Variants in DNM1L observed in about 807,000 individuals in gnomAD.
DNM1L encodes dynamin-1-like protein.
Under a neutral mutation model 92.8 loss-of-function variants are expected in DNM1L, and 33 were observed. The ratio of observed to expected loss-of-function variants is 0.36; its 90% CI spans 0.27 to 0.48. The LOEUF (loss-of-function observed/expected upper bound fraction) is 0.48. DNM1L is among the 20% of genes least tolerant of loss of function. The pLI is 0.99. For missense variants in DNM1L, 485 were observed against 888.8 expected, an observed-to-expected ratio of 0.55 and a Z score of 5.78; for synonymous variants, 284 against 305.0, an observed-to-expected ratio of 0.93 and a Z score of 0.72.
At chr12:32,726,529 A>G (rs1367360165) in intron 9 of DNM1L, 76 of 1,084,294 alleles carry the variant, frequency 7.0e-5, no homozygotes, top group Non-Finnish European at 1.0e-4. Flanking sequence ...TCTCCAGTAA[A>G]CTATAACACT....
At chr12:32,738,169 T>A (rs1955032800) in intron 15 of DNM1L, 95 bp from the exon 16 acceptor site, 4 of 1,452,154 alleles carry the variant, frequency 2.8e-6, no homozygotes, top group Admixed American at 3.5e-5. Flanking sequence ...AAAAAGTAAT[T>A]TAAAGAGGAA....
intron 19 of DNM1L, 23 bp from the exon 20 acceptor site, chr12:32,743,331 A>C: frequency 6.2e-7 from 1 of 1,610,198 alleles, no homozygotes; most frequent in South Asian, 1.1e-5. Context: ...TAAGCATTTA[A>C]AATTTTTTTT....
In DNM1L at chr12:32,743,432, A is replaced by T. The variant is rs3200103; in HGVS notation, c.*22A>T. Reference sequence around the variant, plus strand: ...GTGAAGAGAACTATGTAATACTGAGACTTTGTTGACTCAAAACTTGCTAGT... The same window carrying T: ...GTGAAGAGAACTATGTAATACTGAGTCTTTGTTGACTCAAAACTTGCTAGT... On this transcript the variant is annotated 3_prime_UTR_variant, in exon 20 of 20. Transcript: ENST00000549701. 0.14 allele frequency: 223,835 copies of T among 1,609,022 alleles called. 16,276 individuals are homozygous for T. The highest frequency in any genetic ancestry group is 0.21 in the African/African-American group (15,518 of 74,808).
chr12:32,705,929 A>AT, intron 2 of DNM1L: 1 of 1,397,586 alleles, frequency 7.2e-7, no homozygotes, highest in African/African-American at 1.4e-5. Context: ...CTTATGTACT[A>AT]TTACAGGCTG....
intron 5 of DNM1L, 132 bp from the exon 6 acceptor site, chr12:32,713,077 T>A: frequency 1.2e-6 from 1 of 821,036 alleles, no homozygotes; most frequent in South Asian, 1.9e-5. Flanking sequence ...CATTGTAGTA[T>A]ATTAGTAATG....
intron 1 of DNM1L, among the ~76,000 whole-genome samples, chr12:32,699,758 C>T (rs1952618844): frequency 7.3e-6 from 1 of 136,514 alleles, no homozygotes; most frequent in Non-Finnish European, 1.5e-5. Context: ...GGTGCCACTG[C>T]ACTCCAGCAG....
chr12:32,728,915 C>G (rs1954339320), intron 9 of DNM1L: 1 of 152,176 alleles, frequency 6.6e-6, no homozygotes, highest in African/African-American at 2.4e-5. Context: ...TCCCGAGTAG[C>G]TGGGACTACA....
At chr12:32,739,913 T>C in intron 16 of DNM1L, 151 bp from the exon 17 acceptor site, 1 of 930,218 alleles carries the variant, frequency 1.1e-6, no homozygotes, top group Non-Finnish European at 1.7e-6. Flanking sequence ...TTATACATGC[T>C]ACCTAGTGTC....
intron 1 of DNM1L, among the ~76,000 whole-genome samples, chr12:32,698,751 A>G (rs1312327250): frequency 6.6e-6 from 1 of 152,224 alleles, no homozygotes; most frequent in Non-Finnish European, 1.5e-5. Flanking sequence ...AATTTTTAAA[A>G]TGTATAATAG....
intron 12 of DNM1L, among the ~76,000 whole-genome samples, chr12:32,733,055 G>A (rs981057579): frequency 6.6e-6 from 1 of 152,188 alleles, no homozygotes; most frequent in African/African-American, 2.4e-5. Flanking sequence ...AGCCGAGATC[G>A]CGCCATTGCA....
At chr12:32,705,798 T>C (rs1952898554) in intron 2 of DNM1L, 4 of 1,594,672 alleles carry the variant, frequency 2.5e-6, no homozygotes, top group South Asian at 2.2e-5. Flanking sequence ...ACTAAACTTA[T>C]TCTGTGCTGT....
intron 1 of DNM1L, among the ~76,000 whole-genome samples, chr12:32,690,768 C>T (rs1163794331): frequency 6.6e-6 from 1 of 152,006 alleles, no homozygotes. Flanking sequence ...TAATGTTAGC[C>T]ATTACTACTG....
At chr12:32,717,885 T>A (rs1592625293) in intron 6 of DNM1L, among the ~76,000 whole-genome samples, 2 of 107,756 alleles carry the variant, frequency 1.9e-5, no homozygotes, top group African/African-American at 4.0e-5. Context: ...CTATATATAT[T>A]TATATATACT....
chr12:32,745,307 T>G lies in DNM1L; in HGVS notation c.*1897T>G. 1 of 224,814 alleles carries G rather than the reference T, an allele frequency of 4.4e-6. No individual in the cohort carries two copies. The highest frequency in any genetic ancestry group is 1.5e-4 in the East Asian group (1 of 6,822). The allele number at this position is 224,814 out of a possible 1,614,324, so 13.9% of individuals were successfully genotyped here. A position where few individuals can be genotyped will look rare whatever the true frequency, so the allele number is the denominator to read the frequency against. On this transcript the variant is annotated 3_prime_UTR_variant, in exon 20 of 20. Coordinates refer to ENST00000549701, the MANE Select transcript of DNM1L (RefSeq NM_012062.5). ...GGGAAAAAAAACAAAAACAAAAACT[T>G]ACGATGCACTTTTCTCCAGCACATC...
intron 6 of DNM1L, among the ~76,000 whole-genome samples, chr12:32,714,076 TG>T (rs1275508712): frequency 6.6e-6 from 1 of 152,204 alleles, no homozygotes; most frequent in Non-Finnish European, 1.5e-5. Flanking sequence ...TGGTTACTAT[TG>T]TTGCTAACAA....
chr12:32,696,624 A>C (rs1952477058), intron 1 of DNM1L, among the ~76,000 whole-genome samples: 1 of 149,734 alleles, frequency 6.7e-6, no homozygotes, highest in South Asian at 2.1e-4. Context: ...AAAAATAATC[A>C]GATTACTGTC....
chr12:32,696,374 A>C (rs1450187888), intron 1 of DNM1L, among the ~76,000 whole-genome samples: 2 of 77,486 alleles, frequency 2.6e-5, no homozygotes, highest in Non-Finnish European at 5.5e-5. Flanking sequence ...CTGTCTACAC[A>C]CACACACAAA....
intron 6 of DNM1L, among the ~76,000 whole-genome samples, chr12:32,714,243 AT>A (rs1328642237): frequency 4.0e-5 from 6 of 151,406 alleles, no homozygotes; most frequent in Non-Finnish European, 7.4e-5. Context: ...GCCAATAAAA[AT>A]TCCCATAAGC....
intron 13 of DNM1L, among the ~76,000 whole-genome samples, chr12:32,734,312 G>A (rs1210424340): frequency 1.3e-5 from 2 of 152,260 alleles, no homozygotes; most frequent in African/African-American, 2.4e-5. Context: ...GGTGGACAGA[G>A]CAATTTATCC....
Sources: gnomAD v4.1 joint callset for allele counts (sites outside exome capture counted in the v4.1 genomes callset) on GRCh38, gnomAD v4.1.1 for gene constraint, MANE v1.5 for transcripts, NCBI Gene and HGNC (gene_info 2026-07-23, HGNC 2026-07-21) for gene names.